The following PLAAT1 variants were observed in gnomAD, a reference collection of about 807,000 sequenced individuals.
The protein encoded by PLAAT1 is phospholipase A and acyltransferase 1, also known as H-REV107 protein-related protein.
A neutral mutation model predicts 16.4 loss-of-function variants in PLAAT1; 13 were observed. That is an observed-to-expected ratio of 0.79 (90% CI 0.52 to 1.26). The LOEUF is 1.26. PLAAT1 is among the 50% of genes most tolerant of loss of function. The probability of loss-of-function intolerance (pLI) is 0.00; values close to 1 mark genes in which losing one functional copy is unlikely to be tolerated. For missense variants in PLAAT1, 218 were observed against 207.8 expected, an observed-to-expected ratio of 1.05 and a Z score of -0.30; for synonymous variants, 73 against 78.4, an observed-to-expected ratio of 0.93 and a Z score of 0.36.
At chr3:193,278,642 A>G (rs1190348079), downstream of PLAAT1, among the ~76,000 whole-genome samples, 1 of 152,222 alleles carries the variant, frequency 6.6e-6, no homozygotes, top group Non-Finnish European at 1.5e-5. Context: ...TTTTGAACCC[A>G]GGTCAAGTTG....
downstream of PLAAT1, among the ~76,000 whole-genome samples, chr3:193,273,949 A>C (rs529433325): frequency 6.6e-5 from 10 of 152,238 alleles, no homozygotes; most frequent in Admixed American, 4.6e-4. Flanking sequence ...CGACTTTTAA[A>C]GTTAGAGCTT....
chr3:193,274,951 A>C, downstream of PLAAT1: 2 of 1,508,210 alleles, frequency 1.3e-6, no homozygotes, highest in Non-Finnish European at 1.8e-6. Flanking sequence ...GGAGAGAGGA[A>C]AGGTAAGGGG....
At chr3:193,265,255 A>G (rs1310409220) in intron 3 of PLAAT1, among the ~76,000 whole-genome samples, 1 of 152,238 alleles carries the variant, frequency 6.6e-6, no homozygotes, top group African/African-American at 2.4e-5. Context: ...CTAATGGGCA[A>G]TGGATAGACA....
chr3:193,242,097 CATT>C (rs1277054574), intron 1 of PLAAT1, among the ~76,000 whole-genome samples: 1 of 146,810 alleles, frequency 6.8e-6, no homozygotes, highest in African/African-American at 2.6e-5. Flanking sequence ...GTTCTTAAAA[CATT>C]ATGAGAGGTT....
At chr3:193,263,977 CAA>C (rs1484408491) in intron 3 of PLAAT1, among the ~76,000 whole-genome samples, 3 of 151,956 alleles carry the variant, frequency 2.0e-5, no homozygotes, top group Non-Finnish European at 4.4e-5. Flanking sequence ...AAACTATTAT[CAA>C]AAGAAAGTCC....
In PLAAT1 at chr3:193,241,358, C is replaced by T; in HGVS notation, c.-176C>T. 8.1e-7 allele frequency: 1 copy of T among 1,231,588 alleles called. No individual in the cohort carries two copies. Among genetic ancestry groups the T allele is most frequent in the Non-Finnish European group, 1.0e-6 (1 of 987,880 alleles). The allele number at this position is 1,231,588 out of a possible 1,614,324, so 76.3% of individuals were successfully genotyped here. A position where few individuals can be genotyped will look rare whatever the true frequency, so the allele number is the denominator to read the frequency against. ...TGGCGGCGCTGGTGCTGGCGTTGGC[C>T]CTGGAGGACGGCCCCGAGTGATGGC... is the stretch of plus-strand genomic sequence containing the variant. On this transcript the variant is annotated 5_prime_UTR_variant, in exon 1 of 4. Transcript: ENST00000264735.
In PLAAT1 at chr3:193,270,730, T is replaced by C. The variant is rs747422573; in HGVS notation, c.*25T>C. The C allele has an allele frequency of 5.9e-5, 94 of 1,605,526 alleles. No homozygotes were observed. Among genetic ancestry groups the C allele is most frequent in the Non-Finnish European group, 7.7e-5 (90 of 1,175,432 alleles). The stretch of plus-strand genomic sequence containing the variant: ...ACAATTTACCAAAGAGATATTGATA[T>C]TGAAGGAATTTGGGAGGAGGAAAAG... On this transcript the variant is annotated 3_prime_UTR_variant, in exon 4 of 4. Transcript: ENST00000264735.
chr3:193,268,197 A>G (rs1366377142), intron 3 of PLAAT1, among the ~76,000 whole-genome samples: 2 of 152,204 alleles, frequency 1.3e-5, no homozygotes, highest in Non-Finnish European at 2.9e-5. Context: ...AAATTATGAA[A>G]ATATCTCTAT....
Position 193,263,259 on chromosome 3 carries a change from C to G in PLAAT1, c.405+24C>G, listed in dbSNP as rs377474136. 14 of 1,603,508 alleles carry G rather than the reference C, an allele frequency of 8.7e-6. No individual in the cohort carries two copies. In the African/African-American group the frequency reaches 1.2e-4, roughly 14 times the overall value. On this transcript the variant is annotated intron_variant, in intron 3 of 3. Transcript: ENST00000264735. Reference sequence around the variant, plus strand: ...AGGTAAGTTTTCTTTAGGAGATATTCTTACATTGAGAAAAGAATAACTATT... The same window carrying G: ...AGGTAAGTTTTCTTTAGGAGATATTGTTACATTGAGAAAAGAATAACTATT...
At chr3:193,263,311 A>G in intron 3 of PLAAT1, 76 bp downstream of exon 3, 1 of 1,394,334 alleles carries the variant, frequency 7.2e-7, no homozygotes, top group Non-Finnish European at 9.8e-7. Flanking sequence ...CCAGGCCTCA[A>G]ACCAAATGAA....
rs1560104194 is a variant in PLAAT1, at chr3:193,263,193, T to C, written c.363T>C (p.His121=). 1.2e-6 allele frequency: 2 copies of C among 1,614,162 alleles called. No homozygotes were observed. The highest frequency in any genetic ancestry group is 1.7e-6 in the Non-Finnish European group (2 of 1,180,000). ...AYNLLVNNCE[H]FVTLLRYGEG... is the part of the protein sequence containing the mutation. ...ACTTACTTGTCAACAACTGTGAACA[T>C]TTTGTGACATTGCTTCGCTATGGAG... The change falls in exon 3 of 4, where the codon CAT becomes CAC. Residue 121 remains histidine, a synonymous_variant. Transcript: ENST00000264735.
chr3:193,266,748 A>G (rs1560105305), intron 3 of PLAAT1, among the ~76,000 whole-genome samples: 2 of 152,208 alleles, frequency 1.3e-5, no homozygotes, highest in African/African-American at 2.4e-5. Context: ...ACTTTTCATA[A>G]CAGTATCCGG....
At chr3:193,274,865 A>G (rs1717112238), downstream of PLAAT1, 2 of 787,608 alleles carry the variant, frequency 2.5e-6, no homozygotes, top group Admixed American at 5.1e-5. Flanking sequence ...GGTAAAGCAT[A>G]CAGTCAGAAT....
downstream of PLAAT1, among the ~76,000 whole-genome samples, chr3:193,278,626 C>T (rs1717335905): frequency 6.6e-6 from 1 of 152,164 alleles, no homozygotes; most frequent in East Asian, 1.9e-4. Flanking sequence ...AAAATGTGGC[C>T]TATTCTTTTG....
intron 2 of PLAAT1, chr3:193,276,895 A>G (rs953315276): frequency 2.6e-6 from 3 of 1,146,620 alleles, no homozygotes; most frequent in Non-Finnish European, 3.8e-6. Flanking sequence ...AGACCATATT[A>G]ATTATTTAAT....
upstream of PLAAT1, among the ~76,000 whole-genome samples, chr3:193,240,654 C>CGCGTGTGTGTGT (rs1553803498): frequency 2.3e-5 from 2 of 88,502 alleles, no homozygotes; most frequent in African/African-American, 9.6e-5. Context: ...GGCTATCTGG[C>CGCGTGTGTGTGT]GTGTGTGTGT....
chr3:193,246,445 A>G (rs1231819512), intron 1 of PLAAT1, among the ~76,000 whole-genome samples: 2 of 151,868 alleles, frequency 1.3e-5, no homozygotes, highest in African/African-American at 4.8e-5. Flanking sequence ...ACTCACTGCA[A>G]CCTCCACCCG....
At position 193,256,418 on chromosome 3, in the gene PLAAT1, G is replaced by T. The variant is rs1716374647; in HGVS notation, c.139+629G>T. Among the ~76,000 whole-genome samples the T allele has an allele frequency of 2.6e-5, 4 of 152,292 alleles. No homozygotes were observed. In the South Asian group the frequency reaches 8.3e-4, roughly 32 times the overall value. ...GTAAAAGAGGTAAAGAAACCGGTCA[G>T]ATGCTCTCTAGAGATATAGTATCCC... On this transcript the variant is annotated intron_variant, in intron 2 of 3. Transcript: ENST00000264735.
chr3:193,281,166 T>C, downstream of PLAAT1: 1 of 985,096 alleles, frequency 1.0e-6, no homozygotes, highest in Non-Finnish European at 1.2e-6. Flanking sequence ...AGGAAATAGC[T>C]GTGTGGATTT....
Sources: allele counts gnomAD v4.1 joint callset (sites outside exome capture counted in the v4.1 genomes callset), GRCh38; gene constraint gnomAD v4.1.1; transcripts MANE v1.5; gene names NCBI Gene and HGNC (gene_info 2026-07-23, HGNC 2026-07-21).